ATRIP: variants seen among roughly 807,000 people sequenced by gnomAD.
ATRIP encodes ATR interacting protein, also known as ATR-interacting protein.
A neutral mutation model predicts 78.1 loss-of-function variants in ATRIP; 44 were observed. The observed-to-expected ratio is 0.56, with a 90% CI of 0.44 to 0.72. The LOEUF (loss-of-function observed/expected upper bound fraction) is 0.72, where lower values mean the gene tolerates loss of function less well. Ranked by LOEUF, ATRIP falls within the 30% of genes least tolerant of loss-of-function variation. The pLI is 0.00. For synonymous variants in ATRIP, 388 were observed against 408.9 expected (o/e 0.95, Z 0.62); for missense variants, 927 against 980.2 (o/e 0.95, Z 0.72).
In ATRIP at chr3:48,467,437, G is replaced by T. The variant is rs1225568750; in HGVS notation, c.*1883G>T. ...CACCTGGCCACAACCAGGAACACTAGTCCCAGCCTTGGAGAGAGCAGGGGT... is the reference window on the plus strand; with the variant it reads ...CACCTGGCCACAACCAGGAACACTATTCCCAGCCTTGGAGAGAGCAGGGGT... On this transcript the variant is annotated 3_prime_UTR_variant, in exon 13 of 13. Coordinates refer to ENST00000320211, the MANE Select transcript of ATRIP (RefSeq NM_130384.3). 2 of 1,614,166 alleles carry T rather than the reference G, an allele frequency of 1.2e-6. No individual in the cohort carries two copies. Among genetic ancestry groups the T allele is most frequent in the South Asian group, 2.2e-5 (2 of 91,088 alleles).
chr3:48,457,714 A>G (rs1029260830), intron 5 of ATRIP, among the ~76,000 whole-genome samples: 1 of 152,222 alleles, frequency 6.6e-6, no homozygotes, highest in African/African-American at 2.4e-5. Flanking sequence ...AAATCCAGAG[A>G]GAGCGAGCCA....
In ATRIP at chr3:48,446,872, C is replaced by A; in HGVS notation, c.27C>A (p.Ser9Arg). Residue 9 changes from serine (S) to arginine (R), a missense_variant, in exon 1 of 13, where the codon AGC becomes AGA. Coordinates refer to ENST00000320211, the MANE Select transcript of ATRIP (RefSeq NM_130384.3). MAGTSAPG[S>R]KRRSEPPAPR... ...TGGCGGGGACCTCCGCGCCAGGCAG[C>A]AAGAGGCGGAGCGAGCCCCCGGCGC... 7.1e-7 allele frequency: 1 copy of A among 1,402,472 alleles called. No individual in the cohort carries two copies. The highest frequency in any genetic ancestry group is 1.9e-5 in the South Asian group (1 of 53,812). The allele number at this position is 1,402,472 out of a possible 1,614,324, so 86.9% of individuals were successfully genotyped here.
chr3:48,451,753 C>T lies in ATRIP; in HGVS notation c.406C>T (p.Leu136Phe), dbSNP rs1428403090. The T allele has an allele frequency of 6.3e-7, 1 of 1,597,898 alleles. No homozygotes were observed. The highest frequency in any genetic ancestry group is 1.1e-5 in the South Asian group (1 of 87,754). The change falls in exon 3 of 13, where the codon CTC becomes TTC. Residue 136 changes from leucine to phenylalanine, a missense_variant. Leu to Phe is a conservative substitution (Grantham distance 22). Transcript: ENST00000320211. ...GATGAAAGTAATGGAAGAAGAAGTTCTCATTAAGAATGGAGAAATTAAAAT... is the reference window on the plus strand; with the variant it reads ...GATGAAAGTAATGGAAGAAGAAGTTTTCATTAAGAATGGAGAAATTAAAAT... ...EKMKVMEEEVLIKNGEIKILR... is the reference protein window; with the variant it reads ...EKMKVMEEEVFIKNGEIKILR...
Position 48,447,022 on chromosome 3 carries a change from C to G in ATRIP, c.177C>G (p.Asp59Glu). 6.4e-7 allele frequency: 1 copy of G among 1,573,524 alleles called. No individual in the cohort carries two copies. Among genetic ancestry groups the G allele is most frequent in the South Asian group, 1.2e-5 (1 of 86,786 alleles). ...FGAHGDFTAD[D>E]LEELDTLASQ... is the part of the protein sequence containing the mutation. ...CGCATGGGGACTTCACTGCCGACGA[C>G]CTGGAGGAGCTTGACACCCTCGCGT... Residue 59 changes from aspartate (D) to glutamate (E), a missense_variant, in exon 1 of 13, where the codon GAC (aspartate) becomes GAG (glutamate). Physicochemically the swap from Asp to Glu is conservative, Grantham distance 45 (BLOSUM62 2). Coordinates refer to ENST00000320211, the MANE Select transcript of ATRIP (RefSeq NM_130384.3).
rs1575280139 is a variant in ATRIP, at chr3:48,457,351, C to T, written c.764C>T (p.Ala255Val). The part of the protein sequence containing the change: ...TSFPTKESFS[A>V]NMSLPHPCQT... Reference sequence around the variant, plus strand: ...TTTCCTACAAAGGAGTCTTTTAGTGCTAACATGTCCCTTCCCCACCCCTGC... The same window carrying T: ...TTTCCTACAAAGGAGTCTTTTAGTGTTAACATGTCCCTTCCCCACCCCTGC... The change falls in exon 5 of 13, where the codon GCT (alanine) becomes GTT (valine). Residue 255 changes from alanine (A) to valine (V), a missense_variant. Coordinates refer to ENST00000320211, the MANE Select transcript of ATRIP (RefSeq NM_130384.3). The T allele has an allele frequency of 6.2e-7, 1 of 1,607,646 alleles. No homozygotes were observed. The highest frequency in any genetic ancestry group is 8.5e-7 in the Non-Finnish European group (1 of 1,177,254).
chr3:48,452,870 ATTTTTTTTT>A (rs71074246), intron 3 of ATRIP, among the ~76,000 whole-genome samples: 3 of 117,502 alleles, frequency 2.6e-5, no homozygotes, highest in African/African-American at 3.3e-5. Context: ...AAATTATTGA[ATTTTTTTTT>A]TTTTTTTTTT....
chr3:48,450,144 G>C lies in ATRIP; in HGVS notation c.355G>C (p.Ala119Pro). 1.2e-6 allele frequency: 2 copies of C among 1,611,518 alleles called. No individual in the cohort carries two copies. The highest frequency in any genetic ancestry group is 1.7e-6 in the Non-Finnish European group (2 of 1,179,290). Residue 119 changes from alanine (A) to proline (P), a missense_variant, in exon 2 of 13, where the codon GCA becomes CCA. Ala to Pro is a conservative substitution (Grantham distance 27). Transcript: ENST00000320211. Reference protein sequence around the residue: ...KDNFELEVLQAQYKELKEKMK... With the variant: ...KDNFELEVLQPQYKELKEKMK... The stretch of plus-strand genomic sequence containing the variant: ...TAATTTCGAATTAGAGGTACTTCAG[G>C]CACAATACAAAGAACTTAAAGAAAA...
chr3:48,456,121 GA>G (rs1004816318), intron 4 of ATRIP, among the ~76,000 whole-genome samples: 25 of 149,520 alleles, frequency 1.7e-4, no homozygotes, highest in Non-Finnish European at 2.8e-4. Flanking sequence ...CTCCATTCCA[GA>G]AAAAAAAATA....
Position 48,460,388 on chromosome 3 carries a change from C to A in ATRIP, c.1334C>A (p.Ala445Glu). 1.2e-6 allele frequency: 2 copies of A among 1,613,436 alleles called. No individual in the cohort carries two copies. Among genetic ancestry groups the A allele is most frequent in the South Asian group, 2.2e-5 (2 of 90,952 alleles). ...QDLAAAKRSG[A>E]PGDSPTHSSC... ...TTGGCAGCTGCTAAGAGAAGCGGAG[C>A]ACCTGGGGACTCACCGACACATTCC... Residue 445 changes from alanine to glutamate, a missense_variant, in exon 8 of 13, where the codon GCA becomes GAA. Ala to Glu is a moderately radical substitution (Grantham distance 107). Transcript: ENST00000320211.
intron 8 of ATRIP, among the ~76,000 whole-genome samples, chr3:48,463,543 G>C (rs2040176510): frequency 1.3e-5 from 2 of 152,018 alleles, no homozygotes; most frequent in Non-Finnish European, 2.9e-5. Context: ...TCTTGCAGTG[G>C]AAGTGCCCAC....
intron 2 of ATRIP, 100 bp downstream of exon 2, chr3:48,450,270 A>G (rs1437871390): frequency 7.2e-7 from 1 of 1,396,814 alleles, no homozygotes; most frequent in Non-Finnish European, 9.7e-7. Flanking sequence ...ACAAGTGTCT[A>G]GATTCATCCC....
intron 8 of ATRIP, 70 bp downstream of exon 8, chr3:48,460,869 A>G: frequency 7.1e-7 from 1 of 1,405,376 alleles, no homozygotes; most frequent in Non-Finnish European, 9.7e-7. Context: ...AACCCATGGC[A>G]CTTGTACTTT....
rs747320253 is a variant in ATRIP at position 48,446,859 on chromosome 3, C to T, written c.14C>T (p.Ser5Phe). The change falls in exon 1 of 13, where the codon TCC becomes TTC. Residue 5 changes from serine (S) to phenylalanine (F), a missense_variant. Coordinates refer to ENST00000320211, the MANE Select transcript of ATRIP (RefSeq NM_130384.3). MAGTSAPGSKRRSEP... is the reference protein window; with the variant it reads MAGTFAPGSKRRSEP... ...TGAGCGGAAAGCATGGCGGGGACCT[C>T]CGCGCCAGGCAGCAAGAGGCGGAGC... 3 of 1,402,096 alleles carry T rather than the reference C, an allele frequency of 2.1e-6. No homozygotes were observed. Among genetic ancestry groups the T allele is most frequent in the Admixed American group, 3.0e-5 (1 of 32,970 alleles). The allele number at this position is 1,402,096 out of a possible 1,614,324, so 86.9% of individuals were successfully genotyped here.
chr3:48,455,286 CAA>C (rs942158164), intron 4 of ATRIP, among the ~76,000 whole-genome samples: 9 of 152,146 alleles, frequency 5.9e-5, no homozygotes, highest in Non-Finnish European at 1.3e-4. Flanking sequence ...CCACATAAGA[CAA>C]GAGAACTGAG....
chr3:48,461,678 T>G (rs1159568665), intron 8 of ATRIP, among the ~76,000 whole-genome samples: 1 of 144,550 alleles, frequency 6.9e-6, no homozygotes, highest in East Asian at 1.9e-4. Flanking sequence ...ATAGTGGCTG[T>G]TTTTTTTTGT....
At chr3:48,459,155 G>C (rs1473043148) in intron 5 of ATRIP, among the ~76,000 whole-genome samples, 2 of 152,200 alleles carry the variant, frequency 1.3e-5, no homozygotes, top group Non-Finnish European at 2.9e-5. Context: ...CAAACAGCTT[G>C]ATTTTCTTTT....
At position 48,464,628 on chromosome 3, in the gene ATRIP, C is replaced by T. The variant is rs1265166355; in HGVS notation, c.2021C>T (p.Pro674Leu). Reference protein sequence around the residue: ...AKLGVQSPLPPVTGSNCQCNV... With the variant: ...AKLGVQSPLPLVTGSNCQCNV... The stretch of plus-strand genomic sequence containing the variant: ...CTTGGTGTGCAGAGCCCCTTGCCCC[C>T]AGTCACTGGCTCCAACTGCCAGTGT... The change falls in exon 11 of 13, where the codon CCA (proline) becomes CTA (leucine). Residue 674 changes from proline (P) to leucine (L), a missense_variant. Physicochemically the swap from Pro to Leu is moderately conservative, Grantham distance 98. Coordinates refer to ENST00000320211, the MANE Select transcript of ATRIP (RefSeq NM_130384.3). The T allele has an allele frequency of 1.2e-6, 2 of 1,614,058 alleles. No homozygotes were observed. The highest frequency in any genetic ancestry group is 2.2e-5 in the East Asian group (1 of 44,892).
At position 48,459,846 on chromosome 3, in the gene ATRIP, CT is replaced by C; in HGVS notation, c.988del (p.Cys330AlafsTer4). On this transcript the variant is annotated frameshift_variant, in exon 7 of 13. Coordinates refer to ENST00000320211, the MANE Select transcript of ATRIP (RefSeq NM_130384.3). LOFTEE classifies it high-confidence loss of function. The stretch of plus-strand genomic sequence containing the variant: ...TTTGATCCCAGGGTCATCCCTAAGC[CT>C]TTGCCACCTCCTGAGTAGTAGTTCT... Reference protein sequence around the residue: ...QPLIPGSSLSLCHLLSSSSES... With the variant: ...QPLIPGSSLSXCHLLSSSSES... 1 of 1,614,016 alleles carries C rather than the reference CT, an allele frequency of 6.2e-7. No individual in the cohort carries two copies. Among genetic ancestry groups the C allele is most frequent in the Non-Finnish European group, 8.5e-7 (1 of 1,179,960 alleles).
In ATRIP at chr3:48,464,112, T is replaced by A. The variant is rs1408570225; in HGVS notation, c.1954T>A (p.Trp652Arg). ...TGACAGAGTGGCCTTGGAGACACAA[T>A]GGCTCCAGCTGGAACAAGAGGTAAA... Reference protein sequence around the residue: ...RPDRVALETQWLQLEQEVVWL... With the variant: ...RPDRVALETQRLQLEQEVVWL... Residue 652 changes from tryptophan (W) to arginine (R), a missense_variant, in exon 10 of 13, where the codon TGG becomes AGG. Physicochemically the swap from Trp to Arg is moderately radical, Grantham distance 101. Coordinates refer to ENST00000320211, the MANE Select transcript of ATRIP (RefSeq NM_130384.3). 6.2e-7 allele frequency: 1 copy of A among 1,613,554 alleles called. No individual in the cohort carries two copies. The highest frequency in any genetic ancestry group is 1.3e-5 in the African/African-American group (1 of 74,910).
Sources: gnomAD v4.1 joint callset for allele counts (sites outside exome capture counted in the v4.1 genomes callset) on GRCh38, gnomAD v4.1.1 for gene constraint, MANE v1.5 for transcripts, NCBI Gene and HGNC (gene_info 2026-07-23, HGNC 2026-07-21) for gene names.